Variants in ALKBH8 observed in about 807,000 individuals in gnomAD.
The protein encoded by ALKBH8 is alkB homolog 8, tRNA methyltransferase, also known as tRNA (carboxymethyluridine(34)-5-O)-methyltransferase ALKBH8.
A neutral mutation model predicts 59.8 loss-of-function variants in ALKBH8; 36 were observed. The ratio of observed to expected loss-of-function variants is 0.60; its 90% CI spans 0.46 to 0.79. ALKBH8 has a LOEUF of 0.79. ALKBH8 is among the 30% of genes least tolerant of loss of function. The pLI, the probability that ALKBH8 is intolerant of heterozygous loss-of-function variation, is 0.00. For synonymous variants in ALKBH8, 276 were observed against 273.6 expected, an observed-to-expected ratio of 1.01 and a Z score of -0.09; for missense variants, 768 against 801.0, an observed-to-expected ratio of 0.96 and a Z score of 0.50.
chr11:107,559,809 ATGT>A (rs1185879125), intron 2 of ALKBH8, among the ~76,000 whole-genome samples: 2 of 152,194 alleles, frequency 1.3e-5, no homozygotes, highest in Non-Finnish European at 2.9e-5. Context: ...TCAAGCTATG[ATGT>A]TGTACAGAAG....
intron 7 of ALKBH8, among the ~76,000 whole-genome samples, chr11:107,544,460 G>C (rs1345353472): frequency 6.6e-6 from 1 of 152,154 alleles, no homozygotes; most frequent in Non-Finnish European, 1.5e-5. Context: ...GCTTCCAAGA[G>C]ATCCTGAAAG....
intron 9 of ALKBH8, among the ~76,000 whole-genome samples, chr11:107,524,788 A>ACCC (rs1286012873): frequency 2.6e-5 from 4 of 152,166 alleles, no homozygotes. Flanking sequence ...GGTAGATACC[A>ACCC]CCCATAATTA....
chr11:107,526,761 G>A (rs910700947), intron 8 of ALKBH8, among the ~76,000 whole-genome samples: 1 of 152,068 alleles, frequency 6.6e-6, no homozygotes. Context: ...TGAATGGTAT[G>A]AGATAGATTC....
chr11:107,505,359 G>C (rs188908701), intron 11 of ALKBH8, 144 bp from the exon 12 acceptor site: 2 of 760,618 alleles, frequency 2.6e-6, no homozygotes, highest in African/African-American at 3.5e-5. Context: ...AGGAAAAAAA[G>C]AAGAAAGAGC....
chr11:107,560,651 A>G, intron 2 of ALKBH8, 114 bp downstream of exon 2: 1 of 999,806 alleles, frequency 1.0e-6, no homozygotes, highest in South Asian at 2.1e-5. Context: ...TCTAATATGG[A>G]TGTAACACAT....
chr11:107,535,372 T>C (rs181552355), intron 7 of ALKBH8, among the ~76,000 whole-genome samples: 1 of 152,202 alleles, frequency 6.6e-6, no homozygotes, highest in Non-Finnish European at 1.5e-5. Context: ...TTCTGACCAA[T>C]AGTGTAAAAG....
At chr11:107,555,023 T>G (rs113434206) in intron 3 of ALKBH8, among the ~76,000 whole-genome samples, 2,032 of 152,058 alleles carry the variant, frequency 0.013, 39 homozygotes, top group African/African-American at 0.046. Flanking sequence ...ACTTTGGGAG[T>G]CCGAGGTGGG....
Position 107,522,604 on chromosome 11 carries a change from T to G in ALKBH8, c.1031-49A>C, listed in dbSNP as rs1256953788. On this transcript the variant is annotated intron_variant, in intron 9 of 11. Coordinates refer to ENST00000428149, the MANE Select transcript of ALKBH8 (RefSeq NM_138775.3). Reference sequence around the variant, plus strand: ...CTTTCCTTTTTATCAGAATAACTCATAAGGTATCAAGTTTTCTTAAATGAA... The same window carrying G: ...CTTTCCTTTTTATCAGAATAACTCAGAAGGTATCAAGTTTTCTTAAATGAA... 3 of 1,494,568 alleles carry G rather than the reference T, an allele frequency of 2.0e-6. No homozygotes were observed. In the African/African-American group the frequency reaches 4.3e-5, roughly 21 times the overall value. 92.6% of individuals were successfully genotyped at this position (1,494,568 alleles called of 1,614,324 possible).
At position 107,510,886 on chromosome 11, in the gene ALKBH8, C is replaced by CT; in HGVS notation, c.1437dup (p.Glu480ArgfsTer3). On this transcript the variant is annotated frameshift_variant and splice_region_variant. Transcript: ENST00000428149. LOFTEE classifies it high-confidence loss of function. ...TTAAGAGAAAGAAAGACCATACTTACTGCTGTTGCAAAATGATGAATAACA... is the reference window on the plus strand; with the variant it reads ...TTAAGAGAAAGAAAGACCATACTTACTTGCTGTTGCAAAATGATGAATAACA... 2 of 1,551,178 alleles carry CT rather than the reference C, an allele frequency of 1.3e-6. No homozygotes were observed. The highest frequency in any genetic ancestry group is 1.7e-6 in the Non-Finnish European group (2 of 1,146,750).
rs189375930 is a variant in ALKBH8 at position 107,532,400 on chromosome 11, T to C, written c.778A>G (p.Met260Val). Residue 260 changes from methionine to valine, a missense_variant, in exon 8 of 12, where the codon ATG becomes GTG. Transcript: ENST00000428149. ...ATGCCATCTGGGTGCTTAAAATCCA[T>C]GACAATCTTGAAGCAAAGATAAAAG... The part of the protein sequence containing the change: ...VSLSLGSEIV[M>V]DFKHPDGIAV... 1 of 1,612,816 alleles carries C rather than the reference T, an allele frequency of 6.2e-7. No homozygotes were observed. Among genetic ancestry groups the C allele is most frequent in the African/African-American group, 1.3e-5 (1 of 74,898 alleles).
intron 7 of ALKBH8, among the ~76,000 whole-genome samples, chr11:107,548,879 C>T (rs1430623360): frequency 1.3e-5 from 2 of 150,974 alleles, no homozygotes; most frequent in Admixed American, 1.3e-4. Context: ...GAGTCAGAGT[C>T]TCACTCTGTC....
chr11:107,522,428 G>A lies in ALKBH8; in HGVS notation c.1158C>T (p.Phe386=), dbSNP rs183757750. 1.5e-4 allele frequency: 227 copies of A among 1,551,738 alleles called. 1 individual carries two copies. Among genetic ancestry groups the A allele is most frequent in the Admixed American group, 3.7e-4 (19 of 50,986 alleles). Reference sequence around the variant, plus strand: ...GCCAAGGGGTATGTCTTGTGCTGCTGAAGTGCCCAGCAATCTCTTCATAAA... The same window carrying A: ...GCCAAGGGGTATGTCTTGTGCTGCTAAAGTGCCCAGCAATCTCTTCATAAA... The part of the protein sequence containing the change: ...HQVYEEIAGH[F]SSTRHTPWPH... The change falls in exon 10 of 12, where the codon TTC becomes TTT. Residue 386 remains phenylalanine (F), a synonymous_variant. Coordinates refer to ENST00000428149, the MANE Select transcript of ALKBH8 (RefSeq NM_138775.3).
intron 11 of ALKBH8, among the ~76,000 whole-genome samples, chr11:107,510,064 T>TA (rs1281976260): frequency 6.6e-6 from 1 of 152,154 alleles, no homozygotes; most frequent in Non-Finnish European, 1.5e-5. Context: ...GCTTTTGCTG[T>TA]AAAAAACCTA....
chr11:107,532,124 A>AT (rs1455563482), intron 8 of ALKBH8, among the ~76,000 whole-genome samples, 176 bp downstream of exon 8: 1 of 152,148 alleles, frequency 6.6e-6, no homozygotes, highest in Non-Finnish European at 1.5e-5. Flanking sequence ...TAAATTAAGA[A>AT]TTTTTTCCAA....
At chr11:107,512,982 A>C (rs1862702890) in intron 10 of ALKBH8, among the ~76,000 whole-genome samples, 1 of 152,200 alleles carries the variant, frequency 6.6e-6, no homozygotes, top group South Asian at 2.1e-4. Flanking sequence ...TTCTGGACAT[A>C]GGCTCTGGCA....
intron 10 of ALKBH8, 121 bp from the exon 11 acceptor site, chr11:107,511,157 G>T: frequency 9.8e-7 from 1 of 1,016,174 alleles, no homozygotes; most frequent in Non-Finnish European, 1.4e-6. Context: ...GAAATGGTCT[G>T]AGACCATGAT....
intron 7 of ALKBH8, among the ~76,000 whole-genome samples, chr11:107,538,071 A>C (rs925613774): frequency 1.3e-5 from 2 of 152,082 alleles, no homozygotes; most frequent in South Asian, 2.1e-4. Flanking sequence ...ACTACAAGAC[A>C]CAAAAACACA....
intron 7 of ALKBH8, among the ~76,000 whole-genome samples, chr11:107,539,472 G>A (rs750244491): frequency 9.2e-5 from 14 of 152,024 alleles, no homozygotes; most frequent in Admixed American, 2.0e-4. Flanking sequence ...GGTGGTGGGC[G>A]TCTATAGTCC....
chr11:107,553,815 T>G (rs534279776), intron 4 of ALKBH8, 32 bp downstream of exon 4: 1 of 1,594,058 alleles, frequency 6.3e-7, no homozygotes, highest in Non-Finnish European at 8.5e-7. Context: ...TGCAGAAACT[T>G]TCAAATATCA....
Sources: allele counts gnomAD v4.1 joint callset (sites outside exome capture counted in the v4.1 genomes callset), GRCh38; gene constraint gnomAD v4.1.1; transcripts MANE v1.5; gene names NCBI Gene and HGNC (gene_info 2026-07-23, HGNC 2026-07-21).